Variants in MDGA1 observed in about 807,000 individuals in gnomAD.
The protein encoded by MDGA1 is MAM domain containing glycosylphosphatidylinositol anchor 1, also known as MAM domain-containing glycosylphosphatidylinositol anchor protein 1.
In MDGA1, 54 loss-of-function variants were observed where a neutral mutation model predicts 101.5. The ratio of observed to expected loss-of-function variants is 0.53; its 90% CI spans 0.43 to 0.67. The LOEUF is 0.67. Ranked by LOEUF, MDGA1 falls within the 30% of genes least tolerant of loss-of-function variation. The pLI is 0.00. For synonymous variants in MDGA1, 533 were observed against 558.3 expected (o/e 0.95, Z 0.64); for missense variants, 1,083 against 1,323.8 (o/e 0.82, Z 2.82).
chr6:37,644,077 C>A, intron 13 of MDGA1, 134 bp from the exon 14 acceptor site: 1 of 801,186 alleles, frequency 1.2e-6, no homozygotes, highest in Non-Finnish European at 1.7e-6. Context: ...TCACCCCACG[C>A]ATCCTGCCTC....
chr6:37,652,387 C>G lies in MDGA1; in HGVS notation c.983-47G>C. 6.8e-7 allele frequency: 1 copy of G among 1,477,792 alleles called. No individual in the cohort carries two copies. The highest frequency in any genetic ancestry group is 9.2e-7 in the Non-Finnish European group (1 of 1,090,828). 91.5% of individuals were successfully genotyped at this position (1,477,792 alleles called of 1,614,324 possible). Reference sequence around the variant, plus strand: ...AGGGTAGTTGGGGTTGGCCTGACTCCAGGGGTCCATGTCCCACCCCAACCC... The same window carrying G: ...AGGGTAGTTGGGGTTGGCCTGACTCGAGGGGTCCATGTCCCACCCCAACCC... On this transcript the variant is annotated intron_variant, in intron 6 of 16. Coordinates refer to ENST00000434837, the MANE Select transcript of MDGA1 (RefSeq NM_153487.4). This position sits in a 1 kb window ranked among gnomAD's most constrained non-coding sequence, Gnocchi z 4.3.
chr6:37,650,318 C>T lies in MDGA1; in HGVS notation c.1400G>A (p.Gly467Asp). The T allele has an allele frequency of 6.3e-7, 1 of 1,589,306 alleles. No homozygotes were observed. The highest frequency in any genetic ancestry group is 8.5e-7 in the Non-Finnish European group (1 of 1,170,458). ...CCAGAGCACTGGCGGCCGCGGCTTG[C>T]CCCGCACCTCGCATTGCAGCTCGGC... ...SPAELQCEVR[G>D]KPRPPVLWSR... Residue 467 changes from glycine to aspartate, a missense_variant, in exon 8 of 17, where the codon GGC becomes GAC. Gly to Asp is a moderately conservative substitution (Grantham distance 94). Transcript: ENST00000434837.
rs1383744617 is a variant in MDGA1, at chr6:37,636,761, A to T, written c.*607T>A. 6.5e-6 allele frequency: 1 copy of T among 152,866 alleles called. No individual in the cohort carries two copies. Among genetic ancestry groups the T allele is most frequent in the East Asian group, 1.9e-4 (1 of 5,198 alleles). 9.5% of individuals were successfully genotyped at this position (152,866 alleles called of 1,614,324 possible). Reference sequence around the variant, plus strand: ...CTCCACCATCCAGTGCTCACTCTGGACAGAATCGTGTGCAGCAGGTGCCCT... The same window carrying T: ...CTCCACCATCCAGTGCTCACTCTGGTCAGAATCGTGTGCAGCAGGTGCCCT... On this transcript the variant is annotated 3_prime_UTR_variant, in exon 17 of 17. Coordinates refer to ENST00000434837, the MANE Select transcript of MDGA1 (RefSeq NM_153487.4).
Position 37,635,074 on chromosome 6 carries a change from G to C in MDGA1, c.*2294C>G, listed in dbSNP as rs1345797628. The stretch of plus-strand genomic sequence containing the variant: ...AGAGGAAGCACCCAGGTGGTGCCAG[G>C]CCAGTGGTTCCTGCTGTCAGGAGAA... On this transcript the variant is annotated 3_prime_UTR_variant, in exon 17 of 17. Transcript: ENST00000434837. 6.1e-6 allele frequency: 1 copy of C among 163,738 alleles called. No individual in the cohort carries two copies. Among genetic ancestry groups the C allele is most frequent in the Non-Finnish European group, 1.3e-5 (1 of 76,154 alleles). 10.1% of individuals were successfully genotyped at this position (163,738 alleles called of 1,614,324 possible). A position where few individuals can be genotyped will look rare whatever the true frequency, so the allele number is the denominator to read the frequency against.
rs527332377 is a variant in MDGA1 at position 37,637,349 on chromosome 6, G to C, written c.*19C>G. On this transcript the variant is annotated 3_prime_UTR_variant, in exon 17 of 17. Transcript: ENST00000434837. ...GGTGTGCCGGGGGCAAGGTTGGGGG[G>C]GTGGCCACACAGCTCTCATCATCTC... 24 of 1,594,892 alleles carry C rather than the reference G, an allele frequency of 1.5e-5. No homozygotes were observed. The African/African-American group carries it at 3.1e-4, about 20-fold the overall frequency.
rs980558665 is a variant in MDGA1 at position 37,664,210 on chromosome 6, TCC to T, written c.68-106_68-105del. 2.1e-6 allele frequency: 3 copies of T among 1,432,312 alleles called. No individual in the cohort carries two copies. The Admixed American group carries it at 5.3e-5, about 25-fold the overall frequency. 88.7% of individuals were successfully genotyped at this position (1,432,312 alleles called of 1,614,324 possible). ...TATCTGGGAGGGGTCAGCCCAGATC[TCC>T]CCAGGCCATTCCTCAGAGGCCTGAC... On this transcript the variant is annotated intron_variant, in intron 1 of 16. Coordinates refer to ENST00000434837, the MANE Select transcript of MDGA1 (RefSeq NM_153487.4).
In MDGA1 at chr6:37,635,331, G is replaced by C. The variant is rs577473192; in HGVS notation, c.*2037C>G. 4 of 397,754 alleles carry C rather than the reference G, an allele frequency of 1.0e-5. No individual in the cohort carries two copies. The highest frequency in any genetic ancestry group is 2.1e-5 in the African/African-American group (1 of 48,644). The allele number at this position is 397,754 out of a possible 1,614,324, so 24.6% of individuals were successfully genotyped here. A position where few individuals can be genotyped will look rare whatever the true frequency, so the allele number is the denominator to read the frequency against. ...CGAGCGGGAGGTGGCGAAGGTGGAGGGGGGACTTGGAAGGCTCAGAGGAGG... is the reference window on the plus strand; with the variant it reads ...CGAGCGGGAGGTGGCGAAGGTGGAGCGGGGACTTGGAAGGCTCAGAGGAGG... On this transcript the variant is annotated 3_prime_UTR_variant, in exon 17 of 17. Coordinates refer to ENST00000434837, the MANE Select transcript of MDGA1 (RefSeq NM_153487.4).
chr6:37,647,795 T>C (rs539865194), intron 9 of MDGA1, among the ~76,000 whole-genome samples: 37 of 148,998 alleles, frequency 2.5e-4, no homozygotes, highest in Middle Eastern at 6.9e-3. Flanking sequence ...AGGTGGGAAA[T>C]GTCACAGGGG....
At chr6:37,687,415 A>T (rs1360630110) in intron 1 of MDGA1, among the ~76,000 whole-genome samples, 5 of 151,292 alleles carry the variant, frequency 3.3e-5, no homozygotes, top group Non-Finnish European at 5.9e-5. Context: ...AAAAAAAAAA[A>T]AAAGTTAGCC....
At chr6:37,648,909 C>T (rs1761283634) in intron 9 of MDGA1, 73 bp downstream of exon 9, 2 of 1,490,338 alleles carry the variant, frequency 1.3e-6, no homozygotes, top group Non-Finnish European at 1.8e-6. Context: ...AAAGAATCAC[C>T]CGGGCTGGGA....
At chr6:37,664,906 C>CACAT (rs1761712840) in intron 1 of MDGA1, among the ~76,000 whole-genome samples, 1 of 147,590 alleles carries the variant, frequency 6.8e-6, no homozygotes, top group Non-Finnish European at 1.5e-5. Context: ...CACACACACA[C>CACAT]GGCTGCACAT....
chr6:37,691,375 G>A (rs1442658732), intron 1 of MDGA1, among the ~76,000 whole-genome samples: 1 of 152,156 alleles, frequency 6.6e-6, no homozygotes, highest in Non-Finnish European at 1.5e-5. Context: ...AGAACGTCAT[G>A]GAAGCAAAGG....
chr6:37,655,936 C>A lies in MDGA1; in HGVS notation c.383-40G>T. On this transcript the variant is annotated intron_variant, in intron 3 of 16. Coordinates refer to ENST00000434837, the MANE Select transcript of MDGA1 (RefSeq NM_153487.4). This position sits in a 1 kb window ranked among gnomAD's most constrained non-coding sequence, Gnocchi z 5.1. The stretch of plus-strand genomic sequence containing the variant: ...CCCCCATGGAGTCAGGACTGGGTGA[C>A]CCCAAGGTTGGGGGGCTCAGGCTCC... 1 of 1,553,910 alleles carries A rather than the reference C, an allele frequency of 6.4e-7. No homozygotes were observed. The highest frequency in any genetic ancestry group is 8.7e-7 in the Non-Finnish European group (1 of 1,147,458).
intron 1 of MDGA1, among the ~76,000 whole-genome samples, chr6:37,688,545 A>T (rs1197786360): frequency 6.6e-6 from 1 of 152,152 alleles, no homozygotes; most frequent in Admixed American, 6.5e-5. Context: ...AGCCTTTCAC[A>T]GGCAAAAGGC....
chr6:37,697,136 G>T lies in MDGA1; in HGVS notation c.-325C>A. ...CGGGTACCCAGGGCCGTCCGCGCGGGATGCTAGGCGCCGGGGACCTCTCGG... is the reference window on the plus strand; with the variant it reads ...CGGGTACCCAGGGCCGTCCGCGCGGTATGCTAGGCGCCGGGGACCTCTCGG... On this transcript the variant is annotated 5_prime_UTR_variant, in exon 1 of 17. Coordinates refer to ENST00000434837, the MANE Select transcript of MDGA1 (RefSeq NM_153487.4). The T allele has an allele frequency of 4.0e-6, 1 of 248,258 alleles. No homozygotes were observed. The highest frequency in any genetic ancestry group is 7.6e-6 in the Non-Finnish European group (1 of 132,314). 15.4% of individuals were successfully genotyped at this position (248,258 alleles called of 1,614,324 possible). A position where few individuals can be genotyped will look rare whatever the true frequency, so the allele number is the denominator to read the frequency against.
chr6:37,679,459 AG>A (rs1762047992), intron 1 of MDGA1, among the ~76,000 whole-genome samples: 1 of 152,188 alleles, frequency 6.6e-6, no homozygotes, highest in African/African-American at 2.4e-5. Flanking sequence ...AGTAGCTAGA[AG>A]GGAAGATTCT....
In MDGA1 at chr6:37,634,310, GC is replaced by G. The variant is rs1212541033; in HGVS notation, c.*3057del. The G allele has an allele frequency of 6.5e-6, 1 of 152,840 alleles. No individual in the cohort carries two copies. Among genetic ancestry groups the G allele is most frequent in the Non-Finnish European group, 1.5e-5 (1 of 68,140 alleles). The allele number at this position is 152,840 out of a possible 1,614,324, so 9.5% of individuals were successfully genotyped here. A position where few individuals can be genotyped will look rare whatever the true frequency, so the allele number is the denominator to read the frequency against. On this transcript the variant is annotated 3_prime_UTR_variant, in exon 17 of 17. Coordinates refer to ENST00000434837, the MANE Select transcript of MDGA1 (RefSeq NM_153487.4). The surrounding 1 kb of genome is among the most constrained non-coding windows in gnomAD (Gnocchi z 4.7). Reference sequence around the variant, plus strand: ...TCACCCTGACCCAGAGGGCGAGGCTGCCACTGGGGAGATGTGCTGGATCCAG... The same window carrying G: ...TCACCCTGACCCAGAGGGCGAGGCTGCACTGGGGAGATGTGCTGGATCCAG...
intron 1 of MDGA1, among the ~76,000 whole-genome samples, chr6:37,676,395 C>T (rs1761979048): frequency 6.6e-6 from 1 of 152,246 alleles, no homozygotes; most frequent in Admixed American, 6.5e-5. Flanking sequence ...GAACATGGCT[C>T]TCTCCAAGGC....
rs575977215 is a variant in MDGA1, at chr6:37,667,150, G to T, written c.68-3044C>A. Among the ~76,000 whole-genome samples the T allele has an allele frequency of 3.3e-5, 5 of 152,326 alleles. No homozygotes were observed. The East Asian group carries it at 9.6e-4, about 29-fold the overall frequency. On this transcript the variant is annotated intron_variant, in intron 1 of 16. Transcript: ENST00000434837. ...CACAGAGGTGGCCCGGCAGCAGGTC[G>T]ATAAACTTGGTCAGCAACTGGGAGT... is the stretch of plus-strand genomic sequence containing the variant.
Sources: allele counts gnomAD v4.1 joint callset (sites outside exome capture counted in the v4.1 genomes callset), GRCh38; gene constraint gnomAD v4.1.1; non-coding constraint Gnocchi (gnomAD v3.1); transcripts MANE v1.5; gene names NCBI Gene and HGNC (gene_info 2026-07-23, HGNC 2026-07-21).